Variants in NAALADL2 observed in about 807,000 individuals in gnomAD.
The protein encoded by NAALADL2 is N-acetylated alpha-linked acidic dipeptidase like 2.
NAALADL2 carries 76 observed loss-of-function variants against 87.2 expected under a neutral mutation model. The ratio of observed to expected loss-of-function variants is 0.87; its 90% confidence interval spans 0.72 to 1.05. NAALADL2 has a LOEUF of 1.05. Among genes scored for constraint, NAALADL2 ranks in the 50% least tolerant of loss-of-function variants. The pLI, the probability that NAALADL2 is intolerant of heterozygous loss-of-function variation, is 0.00. For missense variants in NAALADL2, 1,089 were observed against 945.8 expected, an observed-to-expected ratio of 1.15 and a Z score of -1.99; for synonymous variants, 354 against 331.0, an observed-to-expected ratio of 1.07 and a Z score of -0.75.
chr3:175,084,991 C>T (rs974975123), intron 1 of NAALADL2, among the ~76,000 whole-genome samples: 6 of 152,054 alleles, frequency 3.9e-5, no homozygotes, highest in African/African-American at 1.2e-4. Context: ...ACTCCAAGGG[C>T]GCTATACACT....
At chr3:175,164,638 A>G (rs1451614933) in intron 2 of NAALADL2, among the ~76,000 whole-genome samples, 1 of 152,190 alleles carries the variant, frequency 6.6e-6, no homozygotes. Context: ...GGATAGAAAA[A>G]TATTAACTGG....
intron 1 of NAALADL2, among the ~76,000 whole-genome samples, chr3:174,512,411 G>A (rs1719660596): frequency 6.6e-6 from 1 of 152,076 alleles, no homozygotes; most frequent in African/African-American, 2.4e-5. Context: ...AATGTCCCCA[G>A]TGTTCTTGGG....
chr3:175,009,553 TTACTC>T (rs745768699), intron 1 of NAALADL2, among the ~76,000 whole-genome samples: 7 of 152,198 alleles, frequency 4.6e-5, no homozygotes, highest in East Asian at 1.9e-4. Flanking sequence ...AGAAAAGAAT[TTACTC>T]TGCTGCCTTT....
rs184372200 is a variant in NAALADL2 at position 175,583,831 on chromosome 3, C to A, written c.1800+7644C>A. Among the ~76,000 whole-genome samples the A allele has an allele frequency of 2.5e-4, 38 of 152,188 alleles. No individual in the cohort carries two copies. The East Asian group carries it at 2.9e-3, about 12-fold the overall frequency. ...TATGAACTAGCTTCTAATTAATTAA[C>A]CTGTCAACCAGTAGGACAAATCATA... On this transcript the variant is annotated intron_variant, in intron 10 of 13. Coordinates refer to ENST00000454872, the MANE Select transcript of NAALADL2 (RefSeq NM_207015.3).
chr3:174,928,730 A>G (rs1334360522), intron 1 of NAALADL2, among the ~76,000 whole-genome samples: 2 of 152,224 alleles, frequency 1.3e-5, no homozygotes, highest in East Asian at 1.9e-4. Flanking sequence ...TACAGTATTC[A>G]TAGCTTACTA....
At chr3:175,242,971 G>T (rs1300708722) in intron 3 of NAALADL2, among the ~76,000 whole-genome samples, 1 of 152,068 alleles carries the variant, frequency 6.6e-6, no homozygotes, top group Non-Finnish European at 1.5e-5. Context: ...AATCTGCTTA[G>T]CAAAATGTCT....
chr3:174,888,511 T>G (rs1730477790), intron 1 of NAALADL2, among the ~76,000 whole-genome samples: 1 of 152,208 alleles, frequency 6.6e-6, no homozygotes, highest in South Asian at 2.1e-4. Flanking sequence ...AAGTTGCTCT[T>G]CAATAGTTTT....
intron 3 of NAALADL2, among the ~76,000 whole-genome samples, chr3:174,738,075 T>G (rs1038587647): frequency 1.3e-5 from 2 of 152,174 alleles, no homozygotes; most frequent in Non-Finnish European, 2.9e-5. Flanking sequence ...TTAAGTCGTG[T>G]TTTTGGATTA....
intron 11 of NAALADL2, among the ~76,000 whole-genome samples, chr3:175,712,200 G>A (rs1740624772): frequency 6.6e-6 from 1 of 151,958 alleles, no homozygotes; most frequent in Admixed American, 6.6e-5. Flanking sequence ...TCATAAATAT[G>A]TAAAAACTAG....
At chr3:174,863,330 T>C (rs1277314989) in intron 1 of NAALADL2, among the ~76,000 whole-genome samples, 4 of 152,114 alleles carry the variant, frequency 2.6e-5, no homozygotes, top group Admixed American at 1.3e-4. Flanking sequence ...TGACGTCTTT[T>C]AGTTTCTATA....
At position 174,765,147 on chromosome 3, in the gene NAALADL2, A is replaced by AT. The variant is rs1560206435; in HGVS notation, c.-9+27401_-9+27402insT. Among the ~76,000 whole-genome samples, 141 of 139,106 alleles carry AT rather than the reference A, an allele frequency of 1.0e-3. 1 individual carries two copies. The highest frequency in any genetic ancestry group is 9.5e-3 in the South Asian group (42 of 4,400). The allele number at this position is 139,106 out of a possible 152,430, so 91.3% of individuals were successfully genotyped here. ...ATACACACACACACACACACACGAG[A>AT]GAGAGAGAGAGAGAGAGAGAGAGAC... is the stretch of plus-strand genomic sequence containing the variant. On this transcript the variant is annotated intron_variant, in intron 3 of 3. Transcript: ENST00000434257.
At chr3:174,597,458 A>G (rs536134094) in intron 2 of NAALADL2, among the ~76,000 whole-genome samples, 14 of 152,316 alleles carry the variant, frequency 9.2e-5, no homozygotes, top group East Asian at 5.8e-4. Context: ...CCTGAAATCT[A>G]TGTTCCTAGA....
intron 1 of NAALADL2, among the ~76,000 whole-genome samples, chr3:174,943,820 A>G (rs2108481763): frequency 6.6e-6 from 1 of 152,262 alleles, no homozygotes; most frequent in South Asian, 2.1e-4. Context: ...TAAGGCATTT[A>G]GGGTCTTTGC....
intron 2 of NAALADL2, among the ~76,000 whole-genome samples, chr3:174,697,711 A>AT (rs1729163350): frequency 1.3e-5 from 2 of 152,264 alleles, no homozygotes; most frequent in East Asian, 1.9e-4. Context: ...TTTCACTTAT[A>AT]TTTTTCTTAT....
intron 2 of NAALADL2, among the ~76,000 whole-genome samples, chr3:174,553,357 G>A (rs564357522): frequency 2.6e-5 from 4 of 152,214 alleles, no homozygotes; most frequent in South Asian, 2.1e-4. Context: ...TAGTTTATGC[G>A]GAAGAAAACT....
At chr3:175,781,040 T>C (rs920925316) in intron 13 of NAALADL2, among the ~76,000 whole-genome samples, 40 of 152,186 alleles carry the variant, frequency 2.6e-4, no homozygotes, top group African/African-American at 9.4e-4. Context: ...TATTTTTACT[T>C]TGAAATGTGT....
At chr3:174,606,563 G>A (rs574514250) in intron 2 of NAALADL2, among the ~76,000 whole-genome samples, 2 of 152,192 alleles carry the variant, frequency 1.3e-5, no homozygotes, top group South Asian at 2.1e-4. Flanking sequence ...TGGAAGAAAG[G>A]GTATCAGCAA....
chr3:174,657,416 C>T (rs1422173099), intron 2 of NAALADL2, among the ~76,000 whole-genome samples: 1 of 151,994 alleles, frequency 6.6e-6, no homozygotes, highest in Non-Finnish European at 1.5e-5. Flanking sequence ...CTTGGCCTTC[C>T]CAATTGTTGA....
At chr3:174,541,926 C>T (rs899543673) in intron 1 of NAALADL2, among the ~76,000 whole-genome samples, 9 of 140,368 alleles carry the variant, frequency 6.4e-5, no homozygotes, top group South Asian at 4.7e-4. Flanking sequence ...GCAGCAGCAG[C>T]GTACAGCAGA....
Sources: gnomAD v4.1 joint callset for allele counts (sites outside exome capture counted in the v4.1 genomes callset) on GRCh38, gnomAD v4.1.1 for gene constraint, MANE v1.5 for transcripts, NCBI Gene and HGNC (gene_info 2026-07-23, HGNC 2026-07-21) for gene names.